GADL1: variants seen among roughly 807,000 people sequenced by gnomAD.
The protein encoded by GADL1 is GAD like acidic amino acid decarboxylase 1.
GADL1 carries 71 observed loss-of-function variants against 69.5 expected under a neutral mutation model. That is an observed-to-expected ratio of 1.02 (90% CI 0.84 to 1.25). The LOEUF is 1.25. Ranked by LOEUF, GADL1 falls within the 50% of genes most tolerant of loss-of-function variation. The pLI, the probability that GADL1 is intolerant of heterozygous loss-of-function variation, is 0.00. For synonymous variants in GADL1, 254 were observed against 214.4 expected, an observed-to-expected ratio of 1.18 and a Z score of -1.62; for missense variants, 737 against 631.8, an observed-to-expected ratio of 1.17 and a Z score of -1.79.
chr3:30,784,075 A>G (rs1169932873), intron 13 of GADL1, among the ~76,000 whole-genome samples: 1 of 151,940 alleles, frequency 6.6e-6, no homozygotes, highest in African/African-American at 2.4e-5. Flanking sequence ...GATCAAACTC[A>G]ATTCAAATAG....
chr3:30,857,321 G>A (rs1698244828), intron 2 of GADL1, among the ~76,000 whole-genome samples, 180 bp from the exon 3 acceptor site: 1 of 151,990 alleles, frequency 6.6e-6, no homozygotes, highest in Non-Finnish European at 1.5e-5. Context: ...CCAATGAGGG[G>A]CGCCATCTTA....
intron 6 of GADL1, among the ~76,000 whole-genome samples, chr3:30,845,858 A>T (rs1559359486): frequency 6.6e-6 from 1 of 152,188 alleles, no homozygotes; most frequent in Non-Finnish European, 1.5e-5. Flanking sequence ...TGATTTCATA[A>T]TGATAAATGC....
At chr3:30,765,346 GTA>G (rs927072936) in intron 14 of GADL1, among the ~76,000 whole-genome samples, 11 of 152,212 alleles carry the variant, frequency 7.2e-5, no homozygotes, top group African/African-American at 2.6e-4. Flanking sequence ...GTCATATTCT[GTA>G]AAACTACAGG....
intron 1 of GADL1, among the ~76,000 whole-genome samples, chr3:30,873,729 G>T (rs1335385673): frequency 7.2e-5 from 11 of 151,810 alleles, no homozygotes; most frequent in Admixed American, 7.2e-4. Context: ...TGCTATAAAT[G>T]GGTGCCTCAT....
At chr3:30,755,639 G>A (rs1192020168) in intron 14 of GADL1, among the ~76,000 whole-genome samples, 5 of 152,158 alleles carry the variant, frequency 3.3e-5, no homozygotes, top group Non-Finnish European at 5.9e-5. Context: ...TAGCGGTAGT[G>A]TTTAAATGTC....
intron 6 of GADL1, among the ~76,000 whole-genome samples, chr3:30,845,873 C>T (rs1352871216): frequency 6.6e-6 from 1 of 152,052 alleles, no homozygotes; most frequent in Non-Finnish European, 1.5e-5. Flanking sequence ...AAATGCTAGC[C>T]TACCCCACTG....
At chr3:30,842,092 A>C (rs971525085) in intron 8 of GADL1, among the ~76,000 whole-genome samples, 21 of 152,006 alleles carry the variant, frequency 1.4e-4, no homozygotes, top group African/African-American at 5.1e-4. Context: ...GAGGAGGAGG[A>C]AGCTATAGAT....
chr3:30,885,545 A>G (rs1698692064), intron 1 of GADL1, among the ~76,000 whole-genome samples: 1 of 152,110 alleles, frequency 6.6e-6, no homozygotes, highest in Non-Finnish European at 1.5e-5. Flanking sequence ...AAATACAGAC[A>G]AGCGAATGAA....
intron 11 of GADL1, among the ~76,000 whole-genome samples, chr3:30,807,454 A>G (rs1010318743): frequency 6.6e-6 from 1 of 152,236 alleles, no homozygotes. Flanking sequence ...CATCCTTCAA[A>G]TGGAATGGAT....
intron 1 of GADL1, among the ~76,000 whole-genome samples, chr3:30,870,959 AG>A: frequency 6.6e-6 from 1 of 151,748 alleles, no homozygotes; most frequent in South Asian, 2.1e-4. Context: ...ACAAATTCAT[AG>A]GAATTGGTCA....
At chr3:30,846,962 C>T (rs1432661825) in intron 6 of GADL1, among the ~76,000 whole-genome samples, 1 of 152,168 alleles carries the variant, frequency 6.6e-6, no homozygotes, top group African/African-American at 2.4e-5. Flanking sequence ...GAGGAGCTAG[C>T]CCATTGATTA....
intron 14 of GADL1, among the ~76,000 whole-genome samples, chr3:30,755,925 G>A (rs1695959020): frequency 6.6e-6 from 1 of 152,060 alleles, no homozygotes; most frequent in Non-Finnish European, 1.5e-5. Context: ...CCACTGCTAT[G>A]GTCCCTGGTG....
At chr3:30,731,294 G>A (rs1231541234) in intron 14 of GADL1, among the ~76,000 whole-genome samples, 2 of 152,288 alleles carry the variant, frequency 1.3e-5, no homozygotes, top group East Asian at 3.9e-4. Context: ...TGTAAAACAG[G>A]CATGCTCTTG....
chr3:30,726,881 G>A lies in GADL1; in HGVS notation c.*1361C>T, dbSNP rs533107917. On this transcript the variant is annotated 3_prime_UTR_variant, in exon 15 of 15. Coordinates refer to ENST00000282538, the MANE Select transcript of GADL1 (RefSeq NM_207359.3). ...AAATCACCCACTCTCAGGAGAAATG[G>A]AGGAAGCATTTACACTGAAAGTCTG... The A allele has an allele frequency of 6.6e-6, 1 of 152,562 alleles. No homozygotes were observed. Among genetic ancestry groups the A allele is most frequent in the South Asian group, 2.1e-4 (1 of 4,822 alleles). 9.5% of individuals were successfully genotyped at this position (152,562 alleles called of 1,614,324 possible). A position where few individuals can be genotyped will look rare whatever the true frequency, so the allele number is the denominator to read the frequency against.
At chr3:30,753,438 T>C (rs1160171042) in intron 14 of GADL1, among the ~76,000 whole-genome samples, 3 of 150,992 alleles carry the variant, frequency 2.0e-5, no homozygotes, top group South Asian at 4.1e-4. Context: ...CTTAGTTTAT[T>C]TTTTAATTTT....
chr3:30,824,780 C>T (rs1020433793), intron 11 of GADL1, among the ~76,000 whole-genome samples: 1 of 151,626 alleles, frequency 6.6e-6, no homozygotes, highest in Non-Finnish European at 1.5e-5. Context: ...CTAATAAAAG[C>T]AAGCAAGAAA....
chr3:30,804,530 A>AT (rs1347589423), intron 11 of GADL1, among the ~76,000 whole-genome samples: 1 of 151,506 alleles, frequency 6.6e-6, no homozygotes, highest in Non-Finnish European at 1.5e-5. Flanking sequence ...CCCCACCCCG[A>AT]TATCTCCCTT....
At chr3:30,828,778 C>T (rs891508064) in intron 11 of GADL1, among the ~76,000 whole-genome samples, 1 of 151,892 alleles carries the variant, frequency 6.6e-6, no homozygotes, top group African/African-American at 2.4e-5. Context: ...TGCATGTACA[C>T]ACATATGCAC....
At chr3:30,859,863 C>A (rs1390907498) in intron 2 of GADL1, among the ~76,000 whole-genome samples, 1 of 151,840 alleles carries the variant, frequency 6.6e-6, no homozygotes, top group African/African-American at 2.4e-5. Flanking sequence ...TCCAACTTCC[C>A]GTGGGTAGCC....
Sources: allele counts gnomAD v4.1 joint callset (sites outside exome capture counted in the v4.1 genomes callset), GRCh38; gene constraint gnomAD v4.1.1; transcripts MANE v1.5; gene names NCBI Gene and HGNC (gene_info 2026-07-23, HGNC 2026-07-21).